The following NRDC variants were observed in gnomAD, a reference collection of about 807,000 sequenced individuals.
The protein encoded by NRDC is nardilysin convertase.
Under a neutral mutation model 147.1 loss-of-function variants are expected in NRDC, and 54 were observed. The observed-to-expected ratio is 0.37, with a 90% confidence interval of 0.29 to 0.46. The LOEUF (loss-of-function observed/expected upper bound fraction) is 0.46, where lower values mean the gene tolerates loss of function less well. Among genes scored for constraint, NRDC ranks in the 20% least tolerant of loss-of-function variants. The probability of loss-of-function intolerance (pLI) is 1.00; values close to 1 mark genes in which losing one functional copy is unlikely to be tolerated. For missense variants in NRDC, 1,082 were observed against 1,370.6 expected (o/e 0.79, Z 3.33); for synonymous variants, 440 against 482.1 (o/e 0.91, Z 1.14).
rs575946307 is a variant in NRDC, at chr1:51,806,986, G to T, written c.1991-73C>A. On this transcript the variant is annotated intron_variant, in intron 17 of 30. Coordinates refer to ENST00000352171, the MANE Select transcript of NRDC (RefSeq NM_001101662.2). Reference sequence around the variant, plus strand: ...CCCCAGTAATCTGTTATTGGCTTCAGAAGTCTAAGTAACTTTTCTCTGTGG... The same window carrying T: ...CCCCAGTAATCTGTTATTGGCTTCATAAGTCTAAGTAACTTTTCTCTGTGG... The T allele has an allele frequency of 5.8e-5, 90 of 1,541,120 alleles. 2 individuals are homozygous for T. In the South Asian group the frequency reaches 1.1e-3, roughly 19 times the overall value.
chr1:51,871,662 G>A lies in NRDC; in HGVS notation c.341+6613C>T, dbSNP rs139424339. Among the ~76,000 whole-genome samples, 7 of 151,636 alleles carry A rather than the reference G, an allele frequency of 4.6e-5. No homozygotes were observed. In the East Asian group the frequency reaches 1.2e-3, roughly 25 times the overall value. On this transcript the variant is annotated intron_variant, in intron 1 of 30. Transcript: ENST00000352171. ...TAGAGACATTAGTTAACTTGCTAAA[G>A]GTCACATAACCAGTAGACAGCAAGC...
At chr1:51,875,621 C>T (rs557982861) in intron 1 of NRDC, among the ~76,000 whole-genome samples, 8 of 150,988 alleles carry the variant, frequency 5.3e-5, no homozygotes, top group South Asian at 2.1e-4. Flanking sequence ...TGCAGTGGCA[C>T]GATCATGGCT....
intron 17 of NRDC, among the ~76,000 whole-genome samples, 186 bp from the exon 18 acceptor site, chr1:51,807,099 A>T (rs1431327197): frequency 6.6e-6 from 1 of 152,208 alleles, no homozygotes; most frequent in Non-Finnish European, 1.5e-5. Flanking sequence ...AAAGTAAATA[A>T]ATTCTAAAGA....
At chr1:51,825,858 C>G (rs1244074759) in intron 5 of NRDC, among the ~76,000 whole-genome samples, 1 of 152,182 alleles carries the variant, frequency 6.6e-6, no homozygotes, top group Non-Finnish European at 1.5e-5. Flanking sequence ...TGTGTCCCCC[C>G]ACCCAAAATT....
intron 1 of NRDC, among the ~76,000 whole-genome samples, chr1:51,861,493 CTTT>C (rs1209038660): frequency 2.0e-5 from 3 of 149,164 alleles, no homozygotes; most frequent in African/African-American, 7.6e-5. Context: ...TGAGGCCTGG[CTTT>C]TTATTATTAT....
At chr1:51,827,890 G>C in intron 4 of NRDC, 21 bp from the exon 5 acceptor site, 1 of 1,605,636 alleles carries the variant, frequency 6.2e-7, no homozygotes, top group Non-Finnish European at 8.5e-7. Flanking sequence ...AACAAAACTG[G>C]CATTTCCGTT....
In NRDC at chr1:51,803,892, C is replaced by T; in HGVS notation, c.2235G>A (p.Val745=). 6.2e-7 allele frequency: 1 copy of T among 1,613,562 alleles called. No homozygotes were observed. The highest frequency in any genetic ancestry group is 8.5e-7 in the Non-Finnish European group (1 of 1,179,704). The change falls in exon 20 of 31, where the codon GTG becomes GTA. Residue 745 remains valine (V), a synonymous_variant. Coordinates refer to ENST00000352171, the MANE Select transcript of NRDC (RefSeq NM_001101662.2). ...CTACCAGTTTATACTCCAGCTGTGC[C>T]ACATCTGCTTCATAAGCTGGTTCCG... The part of the protein sequence containing the change: ...NLAEPAYEAD[V]AQLEYKLVAG...
chr1:51,868,354 GA>G (rs1682920782), intron 1 of NRDC, among the ~76,000 whole-genome samples: 1 of 151,942 alleles, frequency 6.6e-6, no homozygotes, highest in African/African-American at 2.4e-5. Flanking sequence ...TATGACCAAA[GA>G]AAACATGTGC....
rs1272239227 is a variant in NRDC at position 51,821,582 on chromosome 1, C to T, written c.1160-27G>A. On this transcript the variant is annotated intron_variant, in intron 7 of 30. Transcript: ENST00000352171. ...TTGAGAGGGGAGGGCAGGGAAGAGA[C>T]AGGAAAATGCAATGACATTATTCAA... The T allele has an allele frequency of 3.4e-6, 5 of 1,466,964 alleles. No individual in the cohort carries two copies. In the South Asian group the frequency reaches 4.6e-5, roughly 13 times the overall value. 90.9% of individuals were successfully genotyped at this position (1,466,964 alleles called of 1,614,324 possible). A position where few individuals can be genotyped will look rare whatever the true frequency, so the allele number is the denominator to read the frequency against.
intron 9 of NRDC, 44 bp from the exon 10 acceptor site, chr1:51,818,179 CTA>C: frequency 7.6e-7 from 1 of 1,314,214 alleles, no homozygotes; most frequent in Non-Finnish European, 1.1e-6. Flanking sequence ...AAGTGTTTCT[CTA>C]TGACTTTTAC....
intron 4 of NRDC, among the ~76,000 whole-genome samples, chr1:51,831,585 T>C (rs1359774029): frequency 6.6e-6 from 1 of 150,696 alleles, no homozygotes; most frequent in Non-Finnish European, 1.5e-5. Flanking sequence ...TATCTTTCTT[T>C]TTTTTTTTTT....
At chr1:51,790,861 T>C in intron 28 of NRDC, 39 bp downstream of exon 28, 1 of 1,535,986 alleles carries the variant, frequency 6.5e-7, no homozygotes. Context: ...TGGGGGCTTG[T>C]GTGGGCCAAA....
chr1:51,833,905 A>AT (rs1271386795), intron 4 of NRDC, 112 bp downstream of exon 4: 6 of 953,746 alleles, frequency 6.3e-6, no homozygotes, highest in African/African-American at 4.9e-5. Context: ...ATGAGTCACC[A>AT]TGACTGGTCC....
intron 1 of NRDC, among the ~76,000 whole-genome samples, chr1:51,857,509 G>A (rs1682311318): frequency 6.6e-6 from 1 of 152,202 alleles, no homozygotes; most frequent in Admixed American, 6.5e-5. Context: ...CAGGAGCATG[G>A]AGTGACCAAG....
At chr1:51,844,049 C>G (rs2149226320) in intron 1 of NRDC, among the ~76,000 whole-genome samples, 2 of 152,290 alleles carry the variant, frequency 1.3e-5, no homozygotes, top group African/African-American at 4.8e-5. Flanking sequence ...AACTCTACAG[C>G]TATTTCCTTA....
intron 1 of NRDC, among the ~76,000 whole-genome samples, chr1:51,859,402 C>T (rs1682419076): frequency 6.6e-6 from 1 of 152,172 alleles, no homozygotes; most frequent in Non-Finnish European, 1.5e-5. Context: ...CCTCTGGAGT[C>T]AGAGGTCTGG....
chr1:51,819,613 G>A (rs953646996), intron 9 of NRDC, among the ~76,000 whole-genome samples, 187 bp downstream of exon 9: 4 of 152,150 alleles, frequency 2.6e-5, no homozygotes, highest in Non-Finnish European at 5.9e-5. Context: ...AGAATCAATC[G>A]ATCTGCAGCT....
rs1681044109 is a variant in NRDC at position 51,837,470 on chromosome 1, T to C, written c.631-1258A>G. ...CACAATCTAACCTGTTCTGTGATGT[T>C]TTAATAGGTGCCTAACCTGCTTTCA... On this transcript the variant is annotated intron_variant, in intron 2 of 30. Coordinates refer to ENST00000352171, the MANE Select transcript of NRDC (RefSeq NM_001101662.2). 4 of 1,552,468 alleles carry C rather than the reference T, an allele frequency of 2.6e-6. No individual in the cohort carries two copies. The Admixed American group carries it at 7.1e-5, about 27-fold the overall frequency.
intron 1 of NRDC, among the ~76,000 whole-genome samples, chr1:51,868,188 G>A (rs189056573): frequency 4.9e-4 from 74 of 152,092 alleles, no homozygotes; most frequent in Admixed American, 8.5e-4. Flanking sequence ...ACATAATAGC[G>A]TGGAAAGACA....
Sources: allele counts gnomAD v4.1 joint callset (sites outside exome capture counted in the v4.1 genomes callset), GRCh38; gene constraint gnomAD v4.1.1; transcripts MANE v1.5; gene names NCBI Gene and HGNC (gene_info 2026-07-23, HGNC 2026-07-21).